Variants in RGS6 observed in about 807,000 individuals in gnomAD.
RGS6 encodes regulator of G-protein signaling 6.
In RGS6, 30 loss-of-function variants were observed where a neutral mutation model predicts 78.5. The ratio of observed to expected loss-of-function variants is 0.38; its 90% CI spans 0.29 to 0.52. The LOEUF (loss-of-function observed/expected upper bound fraction) is 0.52, where lower values mean the gene tolerates loss of function less well. RGS6 is among the 20% of genes least tolerant of loss of function. The pLI is 0.85. For missense variants in RGS6, 495 were observed against 609.7 expected (o/e 0.81, Z 1.98); for synonymous variants, 206 against 206.0 (o/e 1.00, Z 0.00).
At chr14:72,590,888 G>C in the RGS6 span, among the ~76,000 whole-genome samples, 1 of 152,222 alleles carries the variant, frequency 6.6e-6, no homozygotes, top group Non-Finnish European at 1.5e-5. Context: ...GACTGGGGAA[G>C]GGAGAGAGGA....
intron 2 of RGS6, among the ~76,000 whole-genome samples, chr14:72,111,480 C>T (rs1028320675): frequency 2.0e-5 from 3 of 152,160 alleles, no homozygotes; most frequent in African/African-American, 7.2e-5. Context: ...AATTACACAT[C>T]TAATAGAATC....
chr14:72,150,711 C>G (rs1241975988), intron 2 of RGS6, among the ~76,000 whole-genome samples: 2 of 152,096 alleles, frequency 1.3e-5, no homozygotes, highest in Non-Finnish European at 2.9e-5. Flanking sequence ...AACTCACTCA[C>G]TGCCAAGAGA....
At chr14:72,237,743 G>A (rs1042034933) in intron 2 of RGS6, among the ~76,000 whole-genome samples, 3 of 152,134 alleles carry the variant, frequency 2.0e-5, no homozygotes, top group Non-Finnish European at 4.4e-5. Flanking sequence ...GCCTGAGAGG[G>A]AGCATGCAGG....
At chr14:72,232,563 C>T (rs1378688263) in intron 2 of RGS6, among the ~76,000 whole-genome samples, 1 of 152,186 alleles carries the variant, frequency 6.6e-6, no homozygotes, top group African/African-American at 2.4e-5. Context: ...TGCCTCCATC[C>T]TTATGTCACC....
the RGS6 span, among the ~76,000 whole-genome samples, chr14:72,581,158 C>T: frequency 3.3e-5 from 5 of 152,116 alleles, no homozygotes; most frequent in African/African-American, 1.2e-4. Flanking sequence ...GGATGAAGCC[C>T]CCTGCCCAGC....
chr14:72,106,400 C>T (rs2095633571), intron 2 of RGS6, among the ~76,000 whole-genome samples: 2 of 152,134 alleles, frequency 1.3e-5, no homozygotes, highest in South Asian at 2.1e-4. Flanking sequence ...TTTATTTTAA[C>T]AGGCTCTTCC....
chr14:71,940,261 T>C (rs536753984), intron 1 of RGS6, among the ~76,000 whole-genome samples: 207 of 152,290 alleles, frequency 1.4e-3, no homozygotes, highest in Non-Finnish European at 2.5e-3. Flanking sequence ...AGAGGTCTCC[T>C]TGGGGAAAGA....
At chr14:72,618,478 A>G in the RGS6 span, among the ~76,000 whole-genome samples, 2 of 152,316 alleles carry the variant, frequency 1.3e-5, no homozygotes, top group South Asian at 4.1e-4. Flanking sequence ...TCCTCTGTCC[A>G]TAGGCCATGA....
At chr14:72,379,572 A>G (rs1403795721) in intron 3 of RGS6, among the ~76,000 whole-genome samples, 1 of 152,078 alleles carries the variant, frequency 6.6e-6, no homozygotes, top group Non-Finnish European at 1.5e-5. Flanking sequence ...AGGCAATCCT[A>G]CTTACAATAG....
At chr14:71,959,178 A>G (rs1176530641) in intron 1 of RGS6, among the ~76,000 whole-genome samples, 1 of 152,132 alleles carries the variant, frequency 6.6e-6, no homozygotes, top group Non-Finnish European at 1.5e-5. Flanking sequence ...AGGAAGAGTG[A>G]TTTGTTATTT....
intron 2 of RGS6, among the ~76,000 whole-genome samples, chr14:72,128,333 C>A (rs977790701): frequency 5.9e-5 from 9 of 152,076 alleles, no homozygotes; most frequent in Non-Finnish European, 8.8e-5. Context: ...TAAATGTATT[C>A]TCTTTTGATT....
At chr14:72,012,144 T>C (rs959241852) in intron 2 of RGS6, among the ~76,000 whole-genome samples, 8 of 152,196 alleles carry the variant, frequency 5.3e-5, no homozygotes, top group Non-Finnish European at 1.0e-4. Context: ...TATAAGTGAT[T>C]TGATTGGCAC....
Position 72,120,030 on chromosome 14 carries a change from G to C in RGS6, c.84+155155G>C, listed in dbSNP as rs574702130. 2.6e-5 allele frequency among the ~76,000 whole-genome samples: 4 copies of C among 152,294 alleles called. No homozygotes were observed. The South Asian group carries it at 6.2e-4, about 24-fold the overall frequency. On this transcript the variant is annotated intron_variant, in intron 2 of 17. Transcript: ENST00000553525. ...AGTAGATGTATTGGAGATTGTCCTT[G>C]AAAGTATCCAGACTGACTCAGACAG...
intron 2 of RGS6, among the ~76,000 whole-genome samples, chr14:71,974,828 C>T (rs2094018076): frequency 6.6e-6 from 1 of 152,058 alleles, no homozygotes; most frequent in Non-Finnish European, 1.5e-5. Flanking sequence ...AAGATAAATT[C>T]TCTCAGTTCT....
chr14:72,241,037 A>G (rs897468639), intron 2 of RGS6, among the ~76,000 whole-genome samples: 2 of 151,724 alleles, frequency 1.3e-5, no homozygotes, highest in Non-Finnish European at 2.9e-5. Context: ...TGCACCTGTA[A>G]TCCCAGATAC....
chr14:72,020,675 C>T (rs1437304989), intron 2 of RGS6, among the ~76,000 whole-genome samples: 3 of 152,180 alleles, frequency 2.0e-5, no homozygotes, highest in African/African-American at 7.2e-5. Flanking sequence ...GTTTTGTGTG[C>T]CAGGCACTTT....
At chr14:72,549,231 T>C (rs76317564) in intron 17 of RGS6, among the ~76,000 whole-genome samples, 8,276 of 150,984 alleles carry the variant, frequency 0.055, 282 homozygotes, top group East Asian at 0.12. Context: ...ATCCTTGCCT[T>C]CTTTTCTGTT....
chr14:72,140,066 T>C (rs2096516100), intron 2 of RGS6, among the ~76,000 whole-genome samples: 1 of 152,332 alleles, frequency 6.6e-6, no homozygotes, highest in Non-Finnish European at 1.5e-5. Flanking sequence ...GGTCCTGACA[T>C]ATTTTGATGG....
intron 2 of RGS6, among the ~76,000 whole-genome samples, chr14:72,303,644 A>G (rs753187595): frequency 8.5e-5 from 13 of 152,252 alleles, no homozygotes; most frequent in Non-Finnish European, 1.3e-4. Context: ...ACATGATACA[A>G]AACATTTCAC....
Sources: allele counts gnomAD v4.1 joint callset (sites outside exome capture counted in the v4.1 genomes callset), GRCh38; gene constraint gnomAD v4.1.1; transcripts MANE v1.5; gene names NCBI Gene and HGNC (gene_info 2026-07-23, HGNC 2026-07-21).